The following CTNNA3 variants were observed in gnomAD, a reference collection of about 807,000 sequenced individuals.
The protein encoded by CTNNA3 is catenin alpha-3.
CTNNA3 carries 76 observed loss-of-function variants against 95.7 expected under a neutral mutation model. The ratio of observed to expected loss-of-function variants is 0.79; its 90% CI spans 0.66 to 0.96. The LOEUF is 0.96. Among genes scored for constraint, CTNNA3 ranks in the 40% least tolerant of loss-of-function variants. The pLI is 0.00. For missense variants in CTNNA3, 1,191 were observed against 1,089.8 expected, an observed-to-expected ratio of 1.09 and a Z score of -1.31; for synonymous variants, 431 against 374.4, an observed-to-expected ratio of 1.15 and a Z score of -1.74.
chr10:66,370,369 T>C (rs571279822), intron 12 of CTNNA3, among the ~76,000 whole-genome samples: 1 of 152,308 alleles, frequency 6.6e-6, no homozygotes, highest in African/African-American at 2.4e-5. Context: ...ATAAATCTGA[T>C]TTTTGAGATG....
intron 7 of CTNNA3, among the ~76,000 whole-genome samples, chr10:66,873,666 G>A (rs1032200547): frequency 1.1e-4 from 17 of 151,954 alleles, no homozygotes; most frequent in African/African-American, 4.1e-4. Flanking sequence ...GAGAAAGGAC[G>A]CCCCCATTCA....
chr10:66,853,990 C>T (rs7922094), intron 7 of CTNNA3, among the ~76,000 whole-genome samples: 88,513 of 151,858 alleles, frequency 0.58, 26,855 homozygotes, highest in African/African-American at 0.63. Flanking sequence ...TAACCATTTG[C>T]GATTATGCTA....
chr10:67,219,913 T>C (rs765830854), intron 5 of CTNNA3, 43 bp from the exon 6 acceptor site: 6 of 1,469,600 alleles, frequency 4.1e-6, no homozygotes, highest in East Asian at 2.3e-5. Flanking sequence ...CAATGGGTTA[T>C]GGGAGAAAGA....
At chr10:66,267,965 T>C (rs2091194456) in intron 13 of CTNNA3, among the ~76,000 whole-genome samples, 1 of 152,172 alleles carries the variant, frequency 6.6e-6, no homozygotes, top group Non-Finnish European at 1.5e-5. Flanking sequence ...AAACAAATGA[T>C]TATCTGAAGT....
intron 13 of CTNNA3, among the ~76,000 whole-genome samples, chr10:66,128,415 A>C (rs1390801556): frequency 6.6e-6 from 1 of 152,214 alleles, no homozygotes; most frequent in Admixed American, 6.5e-5. Context: ...TAGGTGAATA[A>C]ATAGATATAC....
intron 7 of CTNNA3, among the ~76,000 whole-genome samples, chr10:66,900,909 A>G (rs1295877376): frequency 6.6e-6 from 1 of 152,226 alleles, no homozygotes; most frequent in East Asian, 1.9e-4. Context: ...TGATTGGTGT[A>G]CCTGAAAGTG....
intron 5 of CTNNA3, among the ~76,000 whole-genome samples, chr10:67,225,082 G>T (rs939811208): frequency 4.6e-5 from 7 of 152,132 alleles, no homozygotes; most frequent in Non-Finnish European, 8.8e-5. Flanking sequence ...GGAGCTGGGT[G>T]AGGCCTGTGA....
At chr10:66,488,251 A>G (rs1022374424) in intron 11 of CTNNA3, among the ~76,000 whole-genome samples, 2 of 152,194 alleles carry the variant, frequency 1.3e-5, no homozygotes, top group African/African-American at 4.8e-5. Flanking sequence ...CAAATAAATG[A>G]TTTCATTACC....
At chr10:66,079,570 T>A (rs1337555522) in intron 14 of CTNNA3, among the ~76,000 whole-genome samples, 2 of 151,962 alleles carry the variant, frequency 1.3e-5, no homozygotes, top group African/African-American at 4.8e-5. Flanking sequence ...TCCAAATTGT[T>A]TATGGAAATT....
intron 7 of CTNNA3, among the ~76,000 whole-genome samples, chr10:66,833,820 G>A (rs1842804076): frequency 6.6e-6 from 1 of 152,014 alleles, no homozygotes; most frequent in African/African-American, 2.4e-5. Context: ...TTCTCAAGAT[G>A]GACTAATAGG....
chr10:66,124,465 C>G (rs2082725318), intron 13 of CTNNA3, among the ~76,000 whole-genome samples: 1 of 152,156 alleles, frequency 6.6e-6, no homozygotes, highest in African/African-American at 2.4e-5. Flanking sequence ...TTCTTCTGAG[C>G]CCTCCAAACC....
At chr10:66,446,720 A>G (rs2093424828) in intron 11 of CTNNA3, among the ~76,000 whole-genome samples, 1 of 152,176 alleles carries the variant, frequency 6.6e-6, no homozygotes, top group South Asian at 2.1e-4. Flanking sequence ...CCAATATCAT[A>G]CTGAATGGGC....
chr10:67,306,247 T>C (rs2132512205), intron 5 of CTNNA3, among the ~76,000 whole-genome samples: 1 of 152,260 alleles, frequency 6.6e-6, no homozygotes, highest in East Asian at 1.9e-4. Context: ...CAGAACGAGC[T>C]AATAAAAGAT....
intron 15 of CTNNA3, among the ~76,000 whole-genome samples, chr10:66,017,739 C>T (rs914588279): frequency 2.6e-5 from 4 of 152,044 alleles, no homozygotes; most frequent in Non-Finnish European, 5.9e-5. Context: ...CGACAAAATG[C>T]TATGCATTGA....
At chr10:66,550,557 G>C (rs1842183255) in intron 10 of CTNNA3, among the ~76,000 whole-genome samples, 1 of 152,020 alleles carries the variant, frequency 6.6e-6, no homozygotes, top group East Asian at 1.9e-4. Flanking sequence ...ACACCATATG[G>C]CCTGCAAGAT....
chr10:67,720,678 G>A (rs895138059), intron 1 of CTNNA3, among the ~76,000 whole-genome samples: 5 of 152,084 alleles, frequency 3.3e-5, no homozygotes, highest in African/African-American at 1.2e-4. Flanking sequence ...TGTTAGCTGG[G>A]CATGGTGGCT....
chr10:66,239,773 T>C (rs1183429810), intron 13 of CTNNA3, among the ~76,000 whole-genome samples: 3 of 152,014 alleles, frequency 2.0e-5, no homozygotes, highest in Non-Finnish European at 4.4e-5. Context: ...CAAGACATGT[T>C]GCTGTGGCAT....
At chr10:67,348,061 G>A (rs1842499481) in intron 5 of CTNNA3, among the ~76,000 whole-genome samples, 2 of 152,136 alleles carry the variant, frequency 1.3e-5, no homozygotes, top group South Asian at 4.1e-4. Flanking sequence ...ATGGGGAAAG[G>A]ATAGTCTCTT....
intron 5 of CTNNA3, among the ~76,000 whole-genome samples, chr10:67,474,613 A>T (rs1015589827): frequency 1.3e-5 from 2 of 152,230 alleles, no homozygotes; most frequent in Non-Finnish European, 2.9e-5. Flanking sequence ...AAAAGACTTT[A>T]ACAGATACTT....
Sources: allele counts gnomAD v4.1 joint callset (sites outside exome capture counted in the v4.1 genomes callset), GRCh38; gene constraint gnomAD v4.1.1; transcripts MANE v1.5; gene names NCBI Gene and HGNC (gene_info 2026-07-23, HGNC 2026-07-21).